Variants in DNMT3A observed in about 807,000 individuals in gnomAD.
DNMT3A encodes the protein DNA methyltransferase 3 alpha.
In DNMT3A, 267 loss-of-function variants were observed where a neutral mutation model predicts 117.6. The ratio of observed to expected loss-of-function variants is 2.27; its 90% CI spans 2.05 to 2.51. The LOEUF (loss-of-function observed/expected upper bound fraction) is 2.51. Among genes scored for constraint, DNMT3A ranks in the 30% most tolerant of loss-of-function variants. The pLI, the probability that DNMT3A is intolerant of heterozygous loss-of-function variation, is 0.00. For missense variants in DNMT3A, 1,029 were observed against 1,260.2 expected, an observed-to-expected ratio of 0.82 and a Z score of 2.78; for synonymous variants, 432 against 474.8, an observed-to-expected ratio of 0.91 and a Z score of 1.17.
rs1672889344 is a variant in DNMT3A at position 25,231,614 on chromosome 2, A to G, written c.*2665T>C. On this transcript the variant is annotated 3_prime_UTR_variant, in exon 23 of 23. Transcript: ENST00000321117. The stretch of plus-strand genomic sequence containing the variant: ...TTTCCCCAATGGAAGCCCCCTGGCC[A>G]AGACAGACCTGGATGTCAATTTGAT... 1 of 149,948 alleles carries G rather than the reference A, an allele frequency of 6.7e-6. No homozygotes were observed. The highest frequency in any genetic ancestry group is 6.6e-5 in the Admixed American group (1 of 15,090). The allele number at this position is 149,948 out of a possible 1,614,324, so 9.3% of individuals were successfully genotyped here.
chr2:25,278,036 C>CACACACACACAA (rs1553422559), intron 4 of DNMT3A, among the ~76,000 whole-genome samples: 3 of 47,796 alleles, frequency 6.3e-5, no homozygotes, highest in East Asian at 1.0e-3. Flanking sequence ...CACACACACA[C>CACACACACACAA]ACAGACACAC....
At chr2:25,246,848 G>A (rs1674856218) in intron 9 of DNMT3A, 72 bp from the exon 10 acceptor site, 1 of 1,581,828 alleles carries the variant, frequency 6.3e-7, no homozygotes, top group Non-Finnish European at 8.6e-7. Context: ...CTCAAGGCCA[G>A]ACTCTGAGTA....
intron 1 of DNMT3A, among the ~76,000 whole-genome samples, chr2:25,335,962 A>C (rs1195156450): frequency 6.6e-6 from 1 of 151,954 alleles, no homozygotes; most frequent in African/African-American, 2.4e-5. Flanking sequence ...TGCTGAAAAA[A>C]AAAAACAAAC....
At position 25,286,357 on chromosome 2, in the gene DNMT3A, G is replaced by A. The variant is rs919259925; in HGVS notation, c.178-3646C>T. 2.0e-5 allele frequency among the ~76,000 whole-genome samples: 3 copies of A among 152,224 alleles called. No individual in the cohort carries two copies. On this transcript the variant is annotated intron_variant, in intron 3 of 22. Transcript: ENST00000321117. This position sits in a 1 kb window ranked among gnomAD's most constrained non-coding sequence, Gnocchi z 4.3. ...CCCAGAGATGCCCCCAAAGCCAGGT[G>A]GGAGCCGGGCATGCTGGGCAGATGA...
In DNMT3A at chr2:25,245,269, A is replaced by AT. The variant is rs780842310; in HGVS notation, c.1537dup (p.Met513AsnfsTer33). On this transcript the variant is annotated frameshift_variant, in exon 13 of 23. Coordinates refer to ENST00000321117, the MANE Select transcript of DNMT3A (RefSeq NM_022552.5). LOFTEE classifies it high-confidence loss of function. ...TGCTCCTACCTTGCAGTTTTGGCAC[A>AT]TTCCTCCAACGAAGAGGGGGTGTTC... 3 of 1,613,780 alleles carry AT rather than the reference A, an allele frequency of 1.9e-6. No individual in the cohort carries two copies. Among genetic ancestry groups the AT allele is most frequent in the Non-Finnish European group, 2.5e-6 (3 of 1,179,980 alleles).
At chr2:25,317,059 TTTTG>T (rs772333582) in intron 1 of DNMT3A, among the ~76,000 whole-genome samples, 4 of 152,208 alleles carry the variant, frequency 2.6e-5, no homozygotes, top group East Asian at 1.9e-4. Flanking sequence ...TAGAAACATT[TTTTG>T]TTTGTTTGTT....
chr2:25,287,353 T>C (rs1230089219), intron 3 of DNMT3A, among the ~76,000 whole-genome samples: 1 of 152,090 alleles, frequency 6.6e-6, no homozygotes, highest in Non-Finnish European at 1.5e-5. Context: ...GTTGTGAATC[T>C]AGTATCATTC....
At position 25,297,929 on chromosome 2, in the gene DNMT3A, T is replaced by C. The variant is rs144578690; in HGVS notation, c.177+2210A>G. On this transcript the variant is annotated intron_variant, in intron 3 of 22. Transcript: ENST00000321117. ...AGCAGCCCAGAGAGGTTAGGTGACT[T>C]GCTCAAGGACACATGCTGGGAAGCA... 1.4e-3 allele frequency among the ~76,000 whole-genome samples: 220 copies of C among 152,330 alleles called. 1 individual carries two copies. The highest frequency in any genetic ancestry group is 5.1e-3 in the African/African-American group (210 of 41,564).
intron 1 of DNMT3A, 137 bp downstream of exon 1, chr2:25,341,689 G>T (rs903806943): frequency 1.4e-5 from 8 of 578,840 alleles, no homozygotes; most frequent in African/African-American, 2.1e-5. Context: ...CCCCACGGGC[G>T]CCCGGCGCCG....
At chr2:25,242,969 G>A (rs918352536) in intron 16 of DNMT3A, among the ~76,000 whole-genome samples, 2 of 152,006 alleles carry the variant, frequency 1.3e-5, no homozygotes, top group African/African-American at 2.4e-5. Context: ...AATAAATTAC[G>A]GCACTTTGAC....
Position 25,247,520 on chromosome 2 carries a change from A to C in DNMT3A, c.1014+71T>G. 1 of 1,575,726 alleles carries C rather than the reference A, an allele frequency of 6.3e-7. No individual in the cohort carries two copies. Among genetic ancestry groups the C allele is most frequent in the Non-Finnish European group, 8.6e-7 (1 of 1,158,896 alleles). On this transcript the variant is annotated intron_variant, in intron 8 of 22. Transcript: ENST00000321117. This position sits in a 1 kb window ranked among gnomAD's most constrained non-coding sequence, Gnocchi z 5.6. ...ATCACCCCAATTCCAGACTGCCCCC[A>C]GCCAAAACCACAGGCCCTGGGATCA...
chr2:25,328,445 T>A (rs1431910136), intron 1 of DNMT3A, among the ~76,000 whole-genome samples: 1 of 151,714 alleles, frequency 6.6e-6, no homozygotes, highest in Non-Finnish European at 1.5e-5. Flanking sequence ...CAACCCAACA[T>A]CTCTCCTCCC....
intron 4 of DNMT3A, among the ~76,000 whole-genome samples, chr2:25,277,530 G>A (rs1475223942): frequency 1.3e-5 from 2 of 152,180 alleles, no homozygotes; most frequent in Admixed American, 6.5e-5. Flanking sequence ...CGGCTAGGGC[G>A]GGGAGTGGAG....
At chr2:25,261,735 C>T (rs1230775485) in intron 6 of DNMT3A, among the ~76,000 whole-genome samples, 4 of 152,094 alleles carry the variant, frequency 2.6e-5, no homozygotes, top group African/African-American at 7.2e-5. Flanking sequence ...TCCTCCTGGA[C>T]GTTGACCCCC....
At chr2:25,242,900 A>G (rs1337649132) in intron 16 of DNMT3A, among the ~76,000 whole-genome samples, 2 of 136,426 alleles carry the variant, frequency 1.5e-5, no homozygotes, top group East Asian at 4.5e-4. Flanking sequence ...GATGCTTGTC[A>G]CAGCACTACT....
In DNMT3A at chr2:25,234,482, C is replaced by CTGT. The variant is rs1673132183; in HGVS notation, c.2598-63_2598-62insACA. The CTGT allele has an allele frequency of 3.2e-6, 5 of 1,549,184 alleles. No homozygotes were observed. In the African/African-American group the frequency reaches 4.1e-5, roughly 13 times the overall value. On this transcript the variant is annotated intron_variant, in intron 22 of 22. Transcript: ENST00000321117. This position sits in a 1 kb window ranked among gnomAD's most constrained non-coding sequence, Gnocchi z 4.5. ...TGGCCAGACCAGGCTGCCCGGAAGC[C>CTGT]GTCTAACCACACAGCAGGACCCGGA...
chr2:25,247,809 C>T lies in DNMT3A; in HGVS notation c.856-60G>A, dbSNP rs1675012214. 1.3e-6 allele frequency: 2 copies of T among 1,583,700 alleles called. No homozygotes were observed. The highest frequency in any genetic ancestry group is 4.6e-5 in the East Asian group (2 of 43,932). Reference sequence around the variant, plus strand: ...GGTCACGAGGCCCTGCCACCCTGATCCCCCCATGGCAACCCCAGCCCTGGG... The same window carrying T: ...GGTCACGAGGCCCTGCCACCCTGATTCCCCCATGGCAACCCCAGCCCTGGG... On this transcript the variant is annotated intron_variant, in intron 7 of 22. Coordinates refer to ENST00000321117, the MANE Select transcript of DNMT3A (RefSeq NM_022552.5). This position sits in a 1 kb window ranked among gnomAD's most constrained non-coding sequence, Gnocchi z 5.6.
At chr2:25,303,219 A>T (rs924350985) in intron 2 of DNMT3A, among the ~76,000 whole-genome samples, 7 of 152,222 alleles carry the variant, frequency 4.6e-5, no homozygotes, top group Non-Finnish European at 8.8e-5. Context: ...AGCCAACCAG[A>T]GCGTCTGATC....
chr2:25,242,734 G>C (rs541320679), intron 16 of DNMT3A, among the ~76,000 whole-genome samples: 7 of 152,184 alleles, frequency 4.6e-5, no homozygotes, highest in Non-Finnish European at 5.9e-5. Flanking sequence ...CCTTGGCTGG[G>C]GGGGCAGGGC....
Sources: gnomAD v4.1 joint callset for allele counts (sites outside exome capture counted in the v4.1 genomes callset) on GRCh38, gnomAD v4.1.1 for gene constraint, Gnocchi (gnomAD v3.1) non-coding constraint, MANE v1.5 for transcripts, NCBI Gene and HGNC (gene_info 2026-07-23, HGNC 2026-07-21) for gene names.